Variants in TMEM132C observed in about 807,000 individuals in gnomAD.
TMEM132C encodes protein phosphatase 1, regulatory subunit 152.
Under a neutral mutation model 61.4 loss-of-function variants are expected in TMEM132C, and 29 were observed. The ratio of observed to expected loss-of-function variants is 0.47; its 90% CI spans 0.35 to 0.64. The LOEUF (loss-of-function observed/expected upper bound fraction) is 0.64, where lower values mean the gene tolerates loss of function less well. TMEM132C is among the 30% of genes least tolerant of loss of function. TMEM132C has a pLI of 0.00. For synonymous variants in TMEM132C, 656 were observed against 633.1 expected (o/e 1.04, Z -0.54); for missense variants, 1,408 against 1,476.9 (o/e 0.95, Z 0.76).
intron 2 of TMEM132C, among the ~76,000 whole-genome samples, chr12:128,530,481 T>C (rs557464844): frequency 6.6e-6 from 1 of 152,272 alleles, no homozygotes; most frequent in East Asian, 1.9e-4. Context: ...TCTCACTCTG[T>C]TGCCCAGGCT....
At chr12:128,686,085 GTGT>G (rs63225963) in intron 5 of TMEM132C, among the ~76,000 whole-genome samples, 5,388 of 150,688 alleles carry the variant, frequency 0.036, 343 homozygotes, top group African/African-American at 0.12. Context: ...GTGCGCATGT[GTGT>G]TGTGTGCGCA....
intron 2 of TMEM132C, among the ~76,000 whole-genome samples, chr12:128,473,011 C>A (rs78926940): frequency 0.012 from 1,836 of 152,298 alleles, 38 homozygotes; most frequent in African/African-American, 0.041. Context: ...GGGTTGGTTC[C>A]TTCTGGAGGA....
intron 3 of TMEM132C, among the ~76,000 whole-genome samples, chr12:128,544,330 C>T (rs11615025): frequency 8.5e-5 from 13 of 152,130 alleles, no homozygotes; most frequent in African/African-American, 2.4e-4. Context: ...GCTTTGGAGC[C>T]GGGTGAGCTC....
intron 1 of TMEM132C, among the ~76,000 whole-genome samples, chr12:128,412,298 C>A (rs1868585945): frequency 6.6e-6 from 1 of 152,192 alleles, no homozygotes; most frequent in Non-Finnish European, 1.5e-5. Context: ...CATCTTTTCT[C>A]CCCATCTTCA....
intron 5 of TMEM132C, among the ~76,000 whole-genome samples, chr12:128,691,898 A>G (rs1289668358): frequency 1.0e-4 from 15 of 147,430 alleles, no homozygotes; most frequent in African/African-American, 3.6e-4. Flanking sequence ...TCTGTCCATC[A>G]GTGTGTCCAT....
intron 1 of TMEM132C, among the ~76,000 whole-genome samples, chr12:128,377,211 C>T (rs945002181): frequency 3.3e-5 from 5 of 152,106 alleles, no homozygotes; most frequent in African/African-American, 1.2e-4. Context: ...TGCAGCACCA[C>T]GCCCAGTTAA....
intron 3 of TMEM132C, among the ~76,000 whole-genome samples, chr12:128,569,007 T>G (rs1874788470): frequency 6.6e-6 from 1 of 152,190 alleles, no homozygotes; most frequent in African/African-American, 2.4e-5. Flanking sequence ...CTCTCATGGC[T>G]TTTAATCTAG....
intron 1 of TMEM132C, among the ~76,000 whole-genome samples, chr12:128,391,555 C>T (rs992929838): frequency 2.6e-5 from 4 of 152,198 alleles, no homozygotes; most frequent in Non-Finnish European, 4.4e-5. Flanking sequence ...TAGCATTTAA[C>T]GAACACTTTC....
At chr12:128,543,925 T>C (rs759942394) in intron 2 of TMEM132C, 32 bp from the exon 3 acceptor site, 90 of 1,484,880 alleles carry the variant, frequency 6.1e-5, no homozygotes, top group Non-Finnish European at 7.9e-5. Context: ...CTTAACCCTG[T>C]CTCTCTCTCT....
At chr12:128,443,195 T>A (rs1195008322) in intron 2 of TMEM132C, among the ~76,000 whole-genome samples, 1 of 152,138 alleles carries the variant, frequency 6.6e-6, no homozygotes, top group Non-Finnish European at 1.5e-5. Flanking sequence ...TACTCATATG[T>A]TCTCACAAGT....
chr12:128,515,612 T>A (rs1365766709), intron 2 of TMEM132C, among the ~76,000 whole-genome samples: 1 of 152,130 alleles, frequency 6.6e-6, no homozygotes, highest in Admixed American at 6.5e-5. Context: ...GGCGGGTGGA[T>A]CACGAGGTCA....
At chr12:128,622,479 T>C (rs1038503179) in intron 4 of TMEM132C, among the ~76,000 whole-genome samples, 1 of 148,322 alleles carries the variant, frequency 6.7e-6, no homozygotes, top group Non-Finnish European at 1.5e-5. Flanking sequence ...AGACATCCTG[T>C]TGGGGTATCT....
rs1403370346 is a variant in TMEM132C, at chr12:128,597,476, GGAAGGAAGGAAGGAAGGAAA to G, written c.1122-18656_1122-18637del. On this transcript the variant is annotated intron_variant, in intron 3 of 8. Transcript: ENST00000435159. ...CTGCAGAAAGAGAGAGCGAGAGAGA[GGAAGGAAGGAAGGAAGGAAA>G]GAAGGAAGGAAGGAAGGAAGGAAGG... Among the ~76,000 whole-genome samples the G allele has an allele frequency of 9.2e-3, 771 of 83,950 alleles. 9 individuals carry two copies. The highest frequency in any genetic ancestry group is 0.028 in the African/African-American group (734 of 26,278). 55.1% of individuals were successfully genotyped at this position (83,950 alleles called of 152,430 possible).
intron 1 of TMEM132C, among the ~76,000 whole-genome samples, chr12:128,348,775 G>T (rs978934661): frequency 1.4e-4 from 21 of 152,178 alleles, no homozygotes; most frequent in African/African-American, 4.8e-4. Flanking sequence ...TTTCCTAAAA[G>T]TAAATCATCA....
chr12:128,563,396 G>C (rs1874589048), intron 3 of TMEM132C, among the ~76,000 whole-genome samples: 1 of 152,190 alleles, frequency 6.6e-6, no homozygotes, highest in African/African-American at 2.4e-5. Flanking sequence ...ACAGAAGTGG[G>C]CTTGTAAAAG....
At chr12:128,579,605 G>C (rs1875254929) in intron 3 of TMEM132C, among the ~76,000 whole-genome samples, 1 of 152,210 alleles carries the variant, frequency 6.6e-6, no homozygotes, top group South Asian at 2.1e-4. Flanking sequence ...GAAACTTCTT[G>C]CTTCCCAAAT....
At chr12:128,433,765 C>T (rs1199390853) in intron 2 of TMEM132C, among the ~76,000 whole-genome samples, 1 of 132,404 alleles carries the variant, frequency 7.6e-6, no homozygotes, top group Non-Finnish European at 1.6e-5. Flanking sequence ...GGATAAAACA[C>T]AGGGAGCAAG....
intron 4 of TMEM132C, among the ~76,000 whole-genome samples, chr12:128,648,669 A>AG: frequency 1.3e-5 from 2 of 151,308 alleles, no homozygotes; most frequent in Non-Finnish European, 2.9e-5. Context: ...GAGTGTGTTT[A>AG]CTGGAGTCCA....
chr12:128,616,584 GA>G (rs1876810077), intron 4 of TMEM132C, among the ~76,000 whole-genome samples: 1 of 152,228 alleles, frequency 6.6e-6, no homozygotes, highest in Non-Finnish European at 1.5e-5. Flanking sequence ...GTGATTTTAA[GA>G]AGCTCACCAG....
Sources: gnomAD v4.1 joint callset for allele counts (sites outside exome capture counted in the v4.1 genomes callset) on GRCh38, gnomAD v4.1.1 for gene constraint, MANE v1.5 for transcripts, NCBI Gene and HGNC (gene_info 2026-07-23, HGNC 2026-07-21) for gene names.